SPAG9: variants seen among roughly 807,000 people sequenced by gnomAD.
SPAG9 encodes the protein sperm associated antigen 9, also known as C-Jun-amino-terminal kinase-interacting protein 4.
In SPAG9, 35 loss-of-function variants were observed where a neutral mutation model predicts 166.5. The ratio of observed to expected loss-of-function variants is 0.21; its 90% CI spans 0.16 to 0.28. SPAG9 has a LOEUF of 0.28. Ranked by LOEUF, SPAG9 falls within the 10% of genes least tolerant of loss-of-function variation. The probability of loss-of-function intolerance (pLI) is 1.00; values close to 1 mark genes in which losing one functional copy is unlikely to be tolerated. For synonymous variants in SPAG9, 534 were observed against 565.5 expected (o/e 0.94, Z 0.79); for missense variants, 1,235 against 1,603.3 (o/e 0.77, Z 3.92).
At chr17:51,027,027 G>A (rs2046208927) in intron 6 of SPAG9, among the ~76,000 whole-genome samples, 1 of 152,102 alleles carries the variant, frequency 6.6e-6, no homozygotes, top group Non-Finnish European at 1.5e-5. Context: ...AGGCAGTGGT[G>A]ACATAAAGCT....
chr17:51,015,645 G>C (rs1314798115), intron 8 of SPAG9, among the ~76,000 whole-genome samples: 1 of 149,812 alleles, frequency 6.7e-6, no homozygotes, highest in Non-Finnish European at 1.5e-5. Context: ...ATTTTCTTCA[G>C]AATAAATGTT....
intron 26 of SPAG9, among the ~76,000 whole-genome samples, chr17:50,979,247 AG>A (rs1383054380): frequency 1.3e-5 from 2 of 151,476 alleles, no homozygotes; most frequent in African/African-American, 4.9e-5. Context: ...ATGATAGTGC[AG>A]GCCTGTCCAG....
intron 2 of SPAG9, among the ~76,000 whole-genome samples, chr17:51,072,640 C>T (rs577870692): frequency 1.3e-5 from 2 of 151,872 alleles, no homozygotes; most frequent in South Asian, 2.1e-4. Context: ...GCCGAGATCG[C>T]GCCACTGCAC....
Position 51,001,128 on chromosome 17 carries a change from G to A in SPAG9, c.1607+587C>T, listed in dbSNP as rs367833926. On this transcript the variant is annotated intron_variant, in intron 13 of 29. Transcript: ENST00000262013. ...AATGCATACTATTATTGGTAAATCT[G>A]ATATGACAATCCAAACTCAAAAATA... 2.2e-4 allele frequency among the ~76,000 whole-genome samples: 34 copies of A among 152,286 alleles called. 1 individual carries two copies. In the East Asian group the frequency reaches 4.2e-3, roughly 19 times the overall value.
intron 9 of SPAG9, among the ~76,000 whole-genome samples, 192 bp from the exon 10 acceptor site, chr17:51,007,518 G>A (rs1201877715): frequency 3.3e-5 from 5 of 151,708 alleles, no homozygotes; most frequent in East Asian, 3.9e-4. Context: ...TATTCATTAC[G>A]AACAAGGCTA....
chr17:51,024,843 A>T (rs980964006), intron 6 of SPAG9, among the ~76,000 whole-genome samples: 2 of 151,884 alleles, frequency 1.3e-5, no homozygotes, highest in African/African-American at 4.8e-5. Flanking sequence ...AAACAATAAT[A>T]ATGTATTGTA....
chr17:51,058,153 T>C (rs2047409543), intron 2 of SPAG9, among the ~76,000 whole-genome samples: 1 of 152,172 alleles, frequency 6.6e-6, no homozygotes, highest in African/African-American at 2.4e-5. Flanking sequence ...AATCCAACTA[T>C]CATTCATAAT....
At chr17:50,968,065 C>T (rs1973494366) in intron 29 of SPAG9, among the ~76,000 whole-genome samples, 2 of 152,142 alleles carry the variant, frequency 1.3e-5, no homozygotes, top group Non-Finnish European at 2.9e-5. Flanking sequence ...AAAAATCACC[C>T]CAGCCAAGTG....
At chr17:51,015,674 G>T (rs1795007613) in intron 8 of SPAG9, among the ~76,000 whole-genome samples, 1 of 149,828 alleles carries the variant, frequency 6.7e-6, no homozygotes, top group South Asian at 2.1e-4. Flanking sequence ...AAAATAGCAA[G>T]ATGGTATAAA....
At position 51,120,006 on chromosome 17, in the gene SPAG9, ATCC is replaced by A. The variant is rs2049426611; in HGVS notation, c.303+345_303+347del. Reference sequence around the variant, plus strand: ...TAAAACTTTGAACCGCCATCTGACTATCCCACGGTGGTCGGAAACTTCCCTCAA... The same window carrying A: ...TAAAACTTTGAACCGCCATCTGACTACACGGTGGTCGGAAACTTCCCTCAA... On this transcript the variant is annotated intron_variant, in intron 1 of 29. Transcript: ENST00000262013. This position sits in a 1 kb window ranked among gnomAD's most constrained non-coding sequence, Gnocchi z 4.7. 6.6e-6 allele frequency among the ~76,000 whole-genome samples: 1 copy of A among 152,152 alleles called. No homozygotes were observed. The highest frequency in any genetic ancestry group is 2.1e-4 in the South Asian group (1 of 4,824).
At chr17:50,998,933 T>C (rs529494773) in intron 14 of SPAG9, among the ~76,000 whole-genome samples, 63 of 152,346 alleles carry the variant, frequency 4.1e-4, no homozygotes, top group Admixed American at 7.2e-4. Context: ...TTGGTTTTTT[T>C]GCTAGCTCCT....
intron 4 of SPAG9, chr17:51,042,581 C>T (rs1415064418): frequency 2.0e-5 from 3 of 152,198 alleles, no homozygotes; most frequent in African/African-American, 7.2e-5. Flanking sequence ...AGAATAAAAA[C>T]AATGAGCTCA....
chr17:50,996,360 C>CT (rs2044679704), intron 16 of SPAG9: 1 of 571,160 alleles, frequency 1.8e-6, no homozygotes, highest in Non-Finnish European at 3.0e-6. Context: ...TCCTCCCCCC[C>CT]TCACAGACTC....
intron 25 of SPAG9, among the ~76,000 whole-genome samples, chr17:50,981,523 T>TAGAC (rs1299539596): frequency 8.4e-6 from 1 of 118,786 alleles, no homozygotes; most frequent in Non-Finnish European, 1.9e-5. Context: ...GATAGATAGA[T>TAGAC]AGATAGAAAG....
rs200852883 is a variant in SPAG9 at position 50,987,140 on chromosome 17, T to C, written c.2911A>G (p.Thr971Ala). The C allele has an allele frequency of 1.3e-4, 205 of 1,612,720 alleles. No individual in the cohort carries two copies. Among genetic ancestry groups the C allele is most frequent in the East Asian group, 4.2e-4 (19 of 44,746 alleles). Reference sequence around the variant, plus strand: ...CCATTTTGAGCTCCAAGCCACATAGTTGGTAAAAGACTACTCATTTTCTGG... The same window carrying C: ...CCATTTTGAGCTCCAAGCCACATAGCTGGTAAAAGACTACTCATTTTCTGG... ...EAQKMSSLLP[T>A]MWLGAQNGCL... The change falls in exon 22 of 30, where the codon ACT becomes GCT. Residue 971 changes from threonine (T) to alanine (A), a missense_variant. By Grantham distance (58) the Thr-to-Ala change is moderately conservative (BLOSUM62 0). Transcript: ENST00000262013.
chr17:51,023,814 G>A (rs751954430), intron 6 of SPAG9, among the ~76,000 whole-genome samples: 1 of 151,992 alleles, frequency 6.6e-6, no homozygotes, highest in Admixed American at 6.6e-5. Flanking sequence ...ACCGGCGTGC[G>A]TCACCATGCC....
At position 50,965,361 on chromosome 17, in the gene SPAG9, T is replaced by C. The variant is rs1258941320; in HGVS notation, c.*911A>G. The stretch of plus-strand genomic sequence containing the variant: ...TTGTATTAACAGGTTAAGAGCAATC[T>C]AGGAACATTTGGCAAACAAGTACAT... On this transcript the variant is annotated 3_prime_UTR_variant, in exon 30 of 30. Coordinates refer to ENST00000262013, the MANE Select transcript of SPAG9 (RefSeq NM_001130528.3). 3 of 152,202 alleles carry C rather than the reference T, an allele frequency of 2.0e-5. No homozygotes were observed. Among genetic ancestry groups the C allele is most frequent in the African/African-American group, 7.2e-5 (3 of 41,466 alleles). The allele number at this position is 152,202 out of a possible 1,614,324, so 9.4% of individuals were successfully genotyped here.
intron 8 of SPAG9, among the ~76,000 whole-genome samples, chr17:51,019,205 G>A (rs972666050): frequency 6.6e-6 from 1 of 152,190 alleles, no homozygotes; most frequent in Non-Finnish European, 1.5e-5. Context: ...ACCTGACCCT[G>A]CCAGCACCTT....
chr17:51,074,515 T>C (rs2047913281), intron 2 of SPAG9, among the ~76,000 whole-genome samples: 1 of 152,222 alleles, frequency 6.6e-6, no homozygotes, highest in South Asian at 2.1e-4. Context: ...AGTTCCTTAA[T>C]TGTTCTTTAT....
Sources: gnomAD v4.1 joint callset for allele counts (sites outside exome capture counted in the v4.1 genomes callset) on GRCh38, gnomAD v4.1.1 for gene constraint, Gnocchi (gnomAD v3.1) non-coding constraint, MANE v1.5 for transcripts, NCBI Gene and HGNC (gene_info 2026-07-23, HGNC 2026-07-21) for gene names.